Variants in FRMD5 observed in about 807,000 individuals in gnomAD.
FRMD5 encodes FERM domain containing 5.
Under a neutral mutation model 69.0 loss-of-function variants are expected in FRMD5, and 20 were observed. The ratio of observed to expected loss-of-function variants is 0.29; its 90% CI spans 0.20 to 0.42. The LOEUF is 0.42. FRMD5 is among the 10% of genes least tolerant of loss of function. The probability of loss-of-function intolerance (pLI) is 1.00; values close to 1 mark genes in which losing one functional copy is unlikely to be tolerated. For missense variants in FRMD5, 595 were observed against 708.6 expected, an observed-to-expected ratio of 0.84 and a Z score of 1.82; for synonymous variants, 271 against 260.1, an observed-to-expected ratio of 1.04 and a Z score of -0.40.
intron 1 of FRMD5, among the ~76,000 whole-genome samples, chr15:44,145,940 T>C (rs567686728): frequency 6.6e-6 from 1 of 152,240 alleles, no homozygotes; most frequent in Non-Finnish European, 1.5e-5. Context: ...GTATGCTGTA[T>C]TAACATGCAG....
intron 1 of FRMD5, among the ~76,000 whole-genome samples, chr15:43,946,505 G>A (rs1195496646): frequency 2.6e-5 from 4 of 152,100 alleles, no homozygotes; most frequent in Non-Finnish European, 5.9e-5. Flanking sequence ...TAGAGCTACT[G>A]TTCATTCTCT....
intron 1 of FRMD5, among the ~76,000 whole-genome samples, chr15:43,950,120 C>G (rs2090004386): frequency 1.3e-5 from 2 of 152,154 alleles, no homozygotes; most frequent in Non-Finnish European, 2.9e-5. Context: ...AATTCAGGCC[C>G]ACTGCTCAGT....
chr15:43,883,836 T>C, intron 12 of FRMD5, 27 bp from the exon 13 acceptor site: 2 of 1,546,926 alleles, frequency 1.3e-6, no homozygotes, highest in Admixed American at 1.7e-5. Context: ...AGAACCTTGT[T>C]AATTCAGTGC....
intron 1 of FRMD5, among the ~76,000 whole-genome samples, chr15:43,941,610 A>G (rs2089864674): frequency 1.3e-5 from 2 of 152,202 alleles, no homozygotes; most frequent in Admixed American, 1.3e-4. Context: ...TTCTTGAAAT[A>G]TGGTGGGCAC....
At chr15:44,010,745 C>G (rs1890680836) in intron 1 of FRMD5, among the ~76,000 whole-genome samples, 2 of 152,092 alleles carry the variant, frequency 1.3e-5, no homozygotes. Context: ...GAATGGATTA[C>G]TTGAAGCACA....
intron 1 of FRMD5, among the ~76,000 whole-genome samples, chr15:43,994,730 C>T (rs914488342): frequency 1.3e-5 from 2 of 152,230 alleles, no homozygotes; most frequent in African/African-American, 2.4e-5. Flanking sequence ...CTGCACCCTG[C>T]GCTTAGCATT....
chr15:43,893,356 G>A (rs2088839822), intron 7 of FRMD5, among the ~76,000 whole-genome samples: 2 of 152,154 alleles, frequency 1.3e-5, no homozygotes, highest in African/African-American at 4.8e-5. Context: ...GGCACCATCA[G>A]TCAGTAAACA....
chr15:44,156,765 G>A (rs1002897324), intron 1 of FRMD5, among the ~76,000 whole-genome samples: 18 of 152,106 alleles, frequency 1.2e-4, no homozygotes, highest in Admixed American at 1.2e-3. Context: ...GTTTGGTGCT[G>A]TAATACACAT....
chr15:43,905,389 G>A (rs1406186862), intron 6 of FRMD5, among the ~76,000 whole-genome samples: 3 of 151,784 alleles, frequency 2.0e-5, no homozygotes, highest in African/African-American at 4.8e-5. Context: ...CACCTGCCTC[G>A]ACCTCCCAAA....
In FRMD5 at chr15:43,873,639, C is replaced by G. The variant is rs573894984; in HGVS notation, c.*246G>C. On this transcript the variant is annotated 3_prime_UTR_variant, in exon 14 of 14. Transcript: ENST00000417257. ...TCCTGCAAATTGGAAAGATGAGAAACAGAGTCGCTGAGCCTTTCTTGAAAT... is the reference window on the plus strand; with the variant it reads ...TCCTGCAAATTGGAAAGATGAGAAAGAGAGTCGCTGAGCCTTTCTTGAAAT... 3.4e-6 allele frequency: 5 copies of G among 1,483,492 alleles called. No individual in the cohort carries two copies. In the African/African-American group the frequency reaches 5.7e-5, roughly 17 times the overall value. 91.9% of individuals were successfully genotyped at this position (1,483,492 alleles called of 1,614,324 possible).
At chr15:44,020,443 C>T (rs1296662003) in intron 1 of FRMD5, among the ~76,000 whole-genome samples, 1 of 152,146 alleles carries the variant, frequency 6.6e-6, no homozygotes, top group Non-Finnish European at 1.5e-5. Context: ...CAGTGATGAA[C>T]AAGACAGAGT....
chr15:44,089,574 G>T (rs1333939875), intron 1 of FRMD5, among the ~76,000 whole-genome samples: 1 of 152,018 alleles, frequency 6.6e-6, no homozygotes, highest in Non-Finnish European at 1.5e-5. Context: ...ATGGTGGCAT[G>T]CACCTGTAGT....
At chr15:44,126,529 T>C (rs1205444227) in intron 1 of FRMD5, among the ~76,000 whole-genome samples, 1 of 152,138 alleles carries the variant, frequency 6.6e-6, no homozygotes, top group Non-Finnish European at 1.5e-5. Flanking sequence ...TTCTCTTCCA[T>C]CCACAATGAC....
intron 1 of FRMD5, among the ~76,000 whole-genome samples, chr15:44,093,045 C>T (rs1272257510): frequency 6.6e-6 from 1 of 150,616 alleles, no homozygotes; most frequent in African/African-American, 2.5e-5. Flanking sequence ...GATTCTCCTG[C>T]CTCAGCTTCC....
At chr15:43,891,610 G>A (rs906458215) in intron 8 of FRMD5, among the ~76,000 whole-genome samples, 3 of 152,142 alleles carry the variant, frequency 2.0e-5, no homozygotes, top group Non-Finnish European at 4.4e-5. Context: ...CCACAGAGAT[G>A]CTCCAGAACA....
At chr15:44,040,655 C>A (rs557081591) in intron 1 of FRMD5, among the ~76,000 whole-genome samples, 2 of 152,176 alleles carry the variant, frequency 1.3e-5, no homozygotes, top group African/African-American at 4.8e-5. Flanking sequence ...TACAAGAGCT[C>A]CTGTAGGAAA....
At chr15:44,003,033 T>G (rs991238127) in intron 1 of FRMD5, among the ~76,000 whole-genome samples, 5 of 152,160 alleles carry the variant, frequency 3.3e-5, no homozygotes, top group African/African-American at 1.2e-4. Context: ...GATCTTTTGT[T>G]CCAAATGGGG....
At chr15:43,883,621 C>G in intron 13 of FRMD5, 82 bp downstream of exon 13, 1 of 957,398 alleles carries the variant, frequency 1.0e-6, no homozygotes, top group Non-Finnish European at 1.6e-6. Flanking sequence ...GCTGCCATCA[C>G]TAATGCAAAT....
chr15:44,056,772 C>T (rs1214162567), intron 1 of FRMD5, among the ~76,000 whole-genome samples: 1 of 152,156 alleles, frequency 6.6e-6, no homozygotes, highest in Non-Finnish European at 1.5e-5. Flanking sequence ...AGACGCCTCT[C>T]CTTGGTTCTC....
Sources: gnomAD v4.1 joint callset for allele counts (sites outside exome capture counted in the v4.1 genomes callset) on GRCh38, gnomAD v4.1.1 for gene constraint, MANE v1.5 for transcripts, NCBI Gene and HGNC (gene_info 2026-07-23, HGNC 2026-07-21) for gene names.